Variants in IRAK2 observed in about 807,000 individuals in gnomAD.
IRAK2 encodes interleukin-1 receptor-associated kinase-like 2.
IRAK2 carries 57 observed loss-of-function variants against 72.0 expected under a neutral mutation model. That is an observed-to-expected ratio of 0.79 (90% CI 0.64 to 0.99). The LOEUF (loss-of-function observed/expected upper bound fraction) is 0.99. Ranked by LOEUF, IRAK2 falls within the 50% of genes least tolerant of loss-of-function variation. The probability of loss-of-function intolerance (pLI) is 0.00; values close to 1 mark genes in which losing one functional copy is unlikely to be tolerated. For synonymous variants in IRAK2, 293 were observed against 312.7 expected (o/e 0.94, Z 0.67); for missense variants, 790 against 794.4 (o/e 0.99, Z 0.07).
intron 2 of IRAK2, among the ~76,000 whole-genome samples, chr3:10,181,904 C>G (rs547871679): frequency 2.0e-5 from 3 of 152,166 alleles, no homozygotes; most frequent in Admixed American, 2.0e-4. Flanking sequence ...TACTATGGCA[C>G]GTGTACTCTC....
intron 10 of IRAK2, among the ~76,000 whole-genome samples, chr3:10,231,088 C>T (rs1697855430): frequency 6.6e-6 from 1 of 151,926 alleles, no homozygotes; most frequent in South Asian, 2.1e-4. Context: ...GAGATGGGGT[C>T]TTGTTACGTT....
intron 2 of IRAK2, among the ~76,000 whole-genome samples, chr3:10,186,302 C>A (rs1471513121): frequency 2.0e-5 from 3 of 151,706 alleles, no homozygotes; most frequent in Non-Finnish European, 4.4e-5. Context: ...TTATCAGATT[C>A]AGCTGTGGTT....
chr3:10,216,809 T>C (rs2302862), intron 6 of IRAK2, 125 bp from the exon 7 acceptor site: 479,833 of 701,720 alleles, frequency 0.68, 173,488 homozygotes, highest in Non-Finnish European at 0.77. Flanking sequence ...GGGGTCAGAG[T>C]ATGTGGTACC....
chr3:10,165,644 C>T (rs1696671927), intron 1 of IRAK2, among the ~76,000 whole-genome samples: 1 of 149,928 alleles, frequency 6.7e-6, no homozygotes, highest in African/African-American at 2.5e-5. Flanking sequence ...TACAGGCGCC[C>T]GCTACCACCC....
At chr3:10,234,730 C>T (rs62240093) in intron 11 of IRAK2, 71 bp downstream of exon 11, 4 of 1,327,136 alleles carry the variant, frequency 3.0e-6, no homozygotes, top group Admixed American at 1.8e-5. Flanking sequence ...ACGGCCCCTT[C>T]GCAGAGGCCT....
At chr3:10,238,585 G>C (rs1220771978) in intron 11 of IRAK2, among the ~76,000 whole-genome samples, 163 bp from the exon 12 acceptor site, 1 of 152,192 alleles carries the variant, frequency 6.6e-6, no homozygotes, top group Non-Finnish European at 1.5e-5. Flanking sequence ...TGGTGGGCAA[G>C]CACAGGTCTT....
intron 1 of IRAK2, among the ~76,000 whole-genome samples, chr3:10,165,497 C>CATATATAT (rs377757158): frequency 1.3e-5 from 2 of 150,708 alleles, no homozygotes; most frequent in African/African-American, 4.9e-5. Flanking sequence ...TATGATTTAA[C>CATATATAT]ATATATATAT....
At chr3:10,241,729 C>G (rs1230838515) in intron 12 of IRAK2, among the ~76,000 whole-genome samples, 2 of 148,180 alleles carry the variant, frequency 1.3e-5, no homozygotes, top group African/African-American at 2.5e-5. Context: ...GGTGAAACCC[C>G]TTCTCTACTA....
intron 9 of IRAK2, among the ~76,000 whole-genome samples, chr3:10,224,118 C>T (rs141793111): frequency 6.6e-6 from 1 of 152,072 alleles, no homozygotes; most frequent in Non-Finnish European, 1.5e-5. Flanking sequence ...GGGCAGATCA[C>T]CTGAGGTCAG....
intron 9 of IRAK2, among the ~76,000 whole-genome samples, chr3:10,225,050 C>T (rs1697753709): frequency 6.6e-6 from 1 of 151,906 alleles, no homozygotes; most frequent in African/African-American, 2.4e-5. Context: ...GTCAGGAGTC[C>T]CTTTTCAATT....
intron 10 of IRAK2, among the ~76,000 whole-genome samples, chr3:10,230,115 A>C (rs1221515180): frequency 6.6e-6 from 1 of 152,152 alleles, no homozygotes; most frequent in East Asian, 1.9e-4. Context: ...TAAAAAAGTA[A>C]ATTGAAAAAG....
At position 10,243,690 on chromosome 3, in the gene IRAK2, T is replaced by C. The variant is rs1201622407; in HGVS notation, c.*1462T>C. ...AATTCACTGGGAGAAATATCCTATT[T>C]AAAGTAATCTATAGTAATTTCTTTT... On this transcript the variant is annotated 3_prime_UTR_variant, in exon 13 of 13. Transcript: ENST00000256458. 1 of 142,818 alleles carries C rather than the reference T, an allele frequency of 7.0e-6. No homozygotes were observed. Among genetic ancestry groups the C allele is most frequent in the African/African-American group, 3.1e-5 (1 of 32,330 alleles). The allele number at this position is 142,818 out of a possible 1,614,324, so 8.8% of individuals were successfully genotyped here. A position where few individuals can be genotyped will look rare whatever the true frequency, so the allele number is the denominator to read the frequency against.
chr3:10,194,363 G>A (rs372936566), intron 2 of IRAK2, among the ~76,000 whole-genome samples: 2 of 152,202 alleles, frequency 1.3e-5, no homozygotes, highest in African/African-American at 2.4e-5. Flanking sequence ...ATTCTCTTGA[G>A]AATTTAATCC....
chr3:10,238,031 T>C (rs1268667207), intron 11 of IRAK2, among the ~76,000 whole-genome samples: 1 of 149,714 alleles, frequency 6.7e-6, no homozygotes, highest in Non-Finnish European at 1.5e-5. Context: ...ACAAAAACCT[T>C]CCAGGGCAAC....
chr3:10,198,646 A>T (rs1211582229), intron 2 of IRAK2, among the ~76,000 whole-genome samples: 1 of 152,228 alleles, frequency 6.6e-6, no homozygotes, highest in African/African-American at 2.4e-5. Context: ...GTGCCATACC[A>T]GTGTGGTGCT....
intron 10 of IRAK2, among the ~76,000 whole-genome samples, chr3:10,228,197 C>A (rs1302893933): frequency 1.3e-5 from 2 of 152,056 alleles, no homozygotes; most frequent in East Asian, 1.9e-4. Context: ...CCTTTTCCTA[C>A]TGGGTATTGA....
chr3:10,168,891 C>T (rs1160626800), intron 1 of IRAK2, among the ~76,000 whole-genome samples: 1 of 152,206 alleles, frequency 6.6e-6, no homozygotes, highest in East Asian at 1.9e-4. Flanking sequence ...GCTTTCTAGT[C>T]TATTAGTTTC....
chr3:10,222,505 T>C (rs569804770), intron 8 of IRAK2, 131 bp from the exon 9 acceptor site: 1 of 709,600 alleles, frequency 1.4e-6, no homozygotes, highest in Admixed American at 2.4e-5. Context: ...AGAAGCTCCA[T>C]GCTGAGGGTC....
intron 2 of IRAK2, among the ~76,000 whole-genome samples, chr3:10,194,778 T>G (rs1697238083): frequency 6.6e-6 from 1 of 152,210 alleles, no homozygotes. Flanking sequence ...TTCATGTTTA[T>G]ACGCACCATT....
Sources: gnomAD v4.1 joint callset for allele counts (sites outside exome capture counted in the v4.1 genomes callset) on GRCh38, gnomAD v4.1.1 for gene constraint, MANE v1.5 for transcripts, NCBI Gene and HGNC (gene_info 2026-07-23, HGNC 2026-07-21) for gene names.